NMBR: variants seen among roughly 807,000 people sequenced by gnomAD.
NMBR encodes neuromedin B receptor, also known as neuromedin-B receptor.
Under a neutral mutation model 20.5 loss-of-function variants are expected in NMBR, and 16 were observed. The observed-to-expected ratio is 0.78, with a 90% CI of 0.53 to 1.19. The LOEUF (loss-of-function observed/expected upper bound fraction) is 1.19. Among genes scored for constraint, NMBR ranks in the 50% most tolerant of loss-of-function variants. The pLI is 0.00. For synonymous variants in NMBR, 212 were observed against 196.6 expected (o/e 1.08, Z -0.65); for missense variants, 582 against 499.1 (o/e 1.17, Z -1.58).
chr6:142,134,654 T>C, intron 1 of NMBR: 1 of 695,894 alleles, frequency 1.4e-6, no homozygotes, highest in African/African-American at 1.8e-5. Context: ...ATAATTTATA[T>C]ACTCTCTGTT....
At chr6:142,091,272 A>C (rs1012190256) in intron 1 of NMBR, among the ~76,000 whole-genome samples, 2 of 152,168 alleles carry the variant, frequency 1.3e-5, no homozygotes, top group African/African-American at 4.8e-5. Flanking sequence ...TCACTCAGGC[A>C]TATGCAGTGG....
rs1034785013 is a variant in NMBR, at chr6:142,076,119, A to G, written c.772-70T>C. 6.5e-6 allele frequency: 9 copies of G among 1,391,280 alleles called. No homozygotes were observed. The East Asian group carries it at 2.1e-4, about 33-fold the overall frequency. The allele number at this position is 1,391,280 out of a possible 1,614,324, so 86.2% of individuals were successfully genotyped here. A position where few individuals can be genotyped will look rare whatever the true frequency, so the allele number is the denominator to read the frequency against. Reference sequence around the variant, plus strand: ...AACCAGCCACATACCAACTTTATCAAGTCAGGAAAGAGCAAAATTTACAGC... The same window carrying G: ...AACCAGCCACATACCAACTTTATCAGGTCAGGAAAGAGCAAAATTTACAGC... On this transcript the variant is annotated intron_variant, in intron 3 of 3. Coordinates refer to ENST00000258042, the MANE Select transcript of NMBR (RefSeq NM_002511.4).
rs550512224 is a variant in NMBR at position 142,127,325 on chromosome 6, C to T, written c.-664+19719G>A. ...TCTGGTGGACTTATTTTGGGGATCC[C>T]TTAATTTCCGTTTGTCTGTGTGTCT... On this transcript the variant is annotated intron_variant, in intron 1 of 3. Coordinates refer to ENST00000258042, the MANE Select transcript of NMBR (RefSeq NM_002511.4). Among the ~76,000 whole-genome samples the T allele has an allele frequency of 7.5e-4, 114 of 151,866 alleles. 1 individual carries two copies. The highest frequency in any genetic ancestry group is 2.6e-3 in the African/African-American group (108 of 41,488).
intron 1 of NMBR, among the ~76,000 whole-genome samples, chr6:142,106,362 A>C (rs1320605190): frequency 2.0e-5 from 3 of 152,178 alleles, no homozygotes; most frequent in Non-Finnish European, 4.4e-5. Flanking sequence ...ATGTCCACCT[A>C]TCCAGACCCC....
intron 1 of NMBR, among the ~76,000 whole-genome samples, chr6:142,111,195 G>A (rs1381303056): frequency 2.0e-5 from 3 of 151,512 alleles, no homozygotes; most frequent in South Asian, 2.1e-4. Flanking sequence ...AGCAGAGATC[G>A]TGCCACTGCA....
chr6:142,082,848 T>C (rs755151265), intron 2 of NMBR, among the ~76,000 whole-genome samples: 8 of 152,224 alleles, frequency 5.3e-5, no homozygotes, highest in Non-Finnish European at 1.2e-4. Flanking sequence ...CACCACCTTA[T>C]GGCCATGAGT....
rs1389418035 is a variant in NMBR at position 142,135,868 on chromosome 6, GC to G, written c.-664+11175del. On this transcript the variant is annotated intron_variant, in intron 1 of 3. Transcript: ENST00000258042. ...GCATAGTATTCCATGGTGTATATGT[GC>G]CACATTTTCTTAATCCAGTCTATCA... Among the ~76,000 whole-genome samples the G allele has an allele frequency of 2.6e-5, 4 of 151,616 alleles. No individual in the cohort carries two copies. In the East Asian group the frequency reaches 7.7e-4, roughly 29 times the overall value.
intron 3 of NMBR, among the ~76,000 whole-genome samples, chr6:142,077,002 A>G (rs1776963601): frequency 6.6e-6 from 1 of 152,230 alleles, no homozygotes; most frequent in African/African-American, 2.4e-5. Context: ...GTAAAACTGA[A>G]GAGGAACCCA....
At chr6:142,128,280 C>T (rs1778074548) in intron 1 of NMBR, among the ~76,000 whole-genome samples, 1 of 152,034 alleles carries the variant, frequency 6.6e-6, no homozygotes, top group African/African-American at 2.4e-5. Flanking sequence ...AATCATAAGC[C>T]AATTAAACCT....
At chr6:142,110,577 AGG>A (rs1438014149) in intron 1 of NMBR, among the ~76,000 whole-genome samples, 1 of 152,168 alleles carries the variant, frequency 6.6e-6, no homozygotes, top group East Asian at 1.9e-4. Flanking sequence ...GCCTAGGACT[AGG>A]GGAGTTGGGG....
rs770236588 is a variant in NMBR, at chr6:142,088,697, G to C, written c.-39C>G. On this transcript the variant is annotated 5_prime_UTR_variant, in exon 2 of 4. Transcript: ENST00000258042. ...GCAGAGTCCGCTGGAGTTTTCACGC[G>C]CTCCGGTGCCCTGAGGACTGAACGC... 6.4e-7 allele frequency: 1 copy of C among 1,558,110 alleles called. No homozygotes were observed. Among genetic ancestry groups the C allele is most frequent in the Non-Finnish European group, 8.7e-7 (1 of 1,152,992 alleles).
chr6:142,114,011 C>T (rs528836734), intron 1 of NMBR, among the ~76,000 whole-genome samples: 58 of 152,224 alleles, frequency 3.8e-4, no homozygotes, highest in African/African-American at 1.4e-3. Context: ...TTATGTCCAT[C>T]CCCCAATCCC....
chr6:142,103,724 A>T (rs1474214129), intron 1 of NMBR, among the ~76,000 whole-genome samples: 2 of 152,202 alleles, frequency 1.3e-5, no homozygotes, highest in East Asian at 1.9e-4. Flanking sequence ...CATGGAGTTT[A>T]TTCAAATTGT....
intron 1 of NMBR, among the ~76,000 whole-genome samples, chr6:142,112,097 C>T (rs1490117628): frequency 2.6e-5 from 4 of 152,008 alleles, no homozygotes; most frequent in South Asian, 4.2e-4. Context: ...GGGAGGCTGT[C>T]GGGAGAATCG....
intron 1 of NMBR, among the ~76,000 whole-genome samples, chr6:142,112,757 C>A (rs939372855): frequency 2.0e-5 from 3 of 152,112 alleles, no homozygotes; most frequent in Non-Finnish European, 4.4e-5. Context: ...ATGATTACAT[C>A]TCCAGCTTTT....
chr6:142,102,568 T>C (rs973934950), intron 1 of NMBR, among the ~76,000 whole-genome samples: 6 of 152,290 alleles, frequency 3.9e-5, no homozygotes, highest in Middle Eastern at 3.4e-3. Context: ...TTATGTAGTA[T>C]AACTTTCACA....
At chr6:142,133,900 G>A (rs1002450510) in intron 1 of NMBR, 46 of 701,804 alleles carry the variant, frequency 6.6e-5, no homozygotes, top group Admixed American at 1.2e-4. Flanking sequence ...TCTTTGGATC[G>A]ATCCGAATAT....
chr6:142,134,463 T>A, intron 1 of NMBR: 1 of 457,838 alleles, frequency 2.2e-6, no homozygotes, highest in Non-Finnish European at 3.8e-6. Flanking sequence ...GTTAGTGGGG[T>A]TTTTTTAGTG....
chr6:142,136,701 G>T (rs1778264243), intron 1 of NMBR, among the ~76,000 whole-genome samples: 1 of 152,158 alleles, frequency 6.6e-6, no homozygotes, highest in Admixed American at 6.5e-5. Flanking sequence ...TCCAGTTTCA[G>T]CTTCCTACAT....
Sources: gnomAD v4.1 joint callset for allele counts (sites outside exome capture counted in the v4.1 genomes callset) on GRCh38, gnomAD v4.1.1 for gene constraint, MANE v1.5 for transcripts, NCBI Gene and HGNC (gene_info 2026-07-23, HGNC 2026-07-21) for gene names.